Variants in MOV10 observed in about 807,000 individuals in gnomAD.
The protein encoded by MOV10 is Mov10 RNA helicase.
MOV10 carries 39 observed loss-of-function variants against 108.4 expected under a neutral mutation model. The ratio of observed to expected loss-of-function variants is 0.36; its 90% CI spans 0.28 to 0.47. MOV10 has a LOEUF of 0.47. Ranked by LOEUF, MOV10 falls within the 20% of genes least tolerant of loss-of-function variation. The pLI, the probability that MOV10 is intolerant of heterozygous loss-of-function variation, is 1.00. For synonymous variants in MOV10, 490 were observed against 523.1 expected (o/e 0.94, Z 0.86); for missense variants, 952 against 1,297.6 (o/e 0.73, Z 4.09).
intron 17 of MOV10, chr1:112,699,003 T>C (rs758604884): frequency 2.8e-5 from 16 of 573,770 alleles, no homozygotes; most frequent in Non-Finnish European, 5.0e-5. Flanking sequence ...AACAAACACC[T>C]CCTGTCATTC....
chr1:112,681,708 T>C (rs1288019003), intron 2 of MOV10, among the ~76,000 whole-genome samples: 2 of 152,086 alleles, frequency 1.3e-5, no homozygotes, highest in Admixed American at 6.5e-5. Context: ...TTTACACATA[T>C]CTGCCCATAG....
rs375418493 is a variant in MOV10, at chr1:112,694,934, T to A, written c.1620+38T>A. 2 of 1,595,982 alleles carry A rather than the reference T, an allele frequency of 1.3e-6. No individual in the cohort carries two copies. The highest frequency in any genetic ancestry group is 1.7e-6 in the Non-Finnish European group (2 of 1,168,038). On this transcript the variant is annotated intron_variant, in intron 10 of 20. Transcript: ENST00000369645. This position sits in a 1 kb window ranked among gnomAD's most constrained non-coding sequence, Gnocchi z 4.1. ...CACAAACCTGGGGCCTGCACTCTGA[T>A]TCCCCCAGCACCAAGCAGTTGTCCC...
intron 2 of MOV10, chr1:112,688,316 C>T (rs1673256023): frequency 2.0e-6 from 2 of 988,158 alleles, no homozygotes; most frequent in African/African-American, 3.5e-5. Context: ...TCCCTGTCTT[C>T]ACCTTCTCTA....
chr1:112,695,221 A>G (rs183968098), intron 10 of MOV10, among the ~76,000 whole-genome samples, 195 bp from the exon 11 acceptor site: 1 of 152,126 alleles, frequency 6.6e-6, no homozygotes, highest in Non-Finnish European at 1.5e-5. Flanking sequence ...CTCTGTCTCA[A>G]AAAAAAGGGT....
intron 11 of MOV10, 130 bp from the exon 12 acceptor site, chr1:112,696,018 G>A (rs534102151): frequency 2.8e-6 from 2 of 702,504 alleles, no homozygotes; most frequent in Non-Finnish European, 4.9e-6. Context: ...CTCCAGCCTG[G>A]GGGACAGCGA....
chr1:112,691,580 G>A, intron 5 of MOV10, 85 bp from the exon 6 acceptor site: 3 of 1,522,202 alleles, frequency 2.0e-6, no homozygotes, highest in African/African-American at 1.4e-5. Flanking sequence ...ATTGCAGGAG[G>A]GCTTTGTGCA....
chr1:112,690,329 C>T (rs1371190284), intron 5 of MOV10, among the ~76,000 whole-genome samples: 1 of 152,216 alleles, frequency 6.6e-6, no homozygotes. Context: ...CATTATCAGG[C>T]AGATCATTGT....
rs1177989229 is a variant in MOV10, at chr1:112,675,331, G to C, written c.137+282G>C. On this transcript the variant is annotated intron_variant, in intron 2 of 20. Coordinates refer to ENST00000369645, the MANE Select transcript of MOV10 (RefSeq NM_001321324.2). This position sits in a 1 kb window ranked among gnomAD's most constrained non-coding sequence, Gnocchi z 4.7. ...CCCCCGGAGGCCGGAACCCGGGGCC[G>C]GGAGCTGCGTCCCGCGTCCATGCGC... is the stretch of plus-strand genomic sequence containing the variant. Among the ~76,000 whole-genome samples the C allele has an allele frequency of 3.9e-5, 6 of 152,228 alleles. No homozygotes were observed. Among genetic ancestry groups the C allele is most frequent in the African/African-American group, 1.4e-4 (6 of 41,562 alleles).
chr1:112,698,961 G>A (rs1674369057), intron 17 of MOV10, 172 bp downstream of exon 17: 2 of 638,892 alleles, frequency 3.1e-6, no homozygotes, highest in South Asian at 3.8e-5. Flanking sequence ...CAACTTAAGG[G>A]TCTGGGATGG....
chr1:112,700,124 T>G, intron 19 of MOV10, 95 bp from the exon 20 acceptor site: 1 of 1,596,652 alleles, frequency 6.3e-7, no homozygotes. Context: ...ATTTATAAGT[T>G]AAATGACATC....
Position 112,694,312 on chromosome 1 carries a change from A to T in MOV10, c.1295+140A>T. ...TTCCTCAGGGGTACCCTGAGATGCT[A>T]CGGCAGCTTCCTCTTCTAGAGAACT... On this transcript the variant is annotated intron_variant, in intron 8 of 20. Coordinates refer to ENST00000369645, the MANE Select transcript of MOV10 (RefSeq NM_001321324.2). The surrounding 1 kb of genome is among the most constrained non-coding windows in gnomAD (Gnocchi z 4.1). The T allele has an allele frequency of 7.1e-7, 1 of 1,399,240 alleles. No individual in the cohort carries two copies. Among genetic ancestry groups the T allele is most frequent in the Non-Finnish European group, 9.9e-7 (1 of 1,005,964 alleles). 86.7% of individuals were successfully genotyped at this position (1,399,240 alleles called of 1,614,324 possible). A position where few individuals can be genotyped will look rare whatever the true frequency, so the allele number is the denominator to read the frequency against.
chr1:112,680,587 C>T (rs1415384503), intron 2 of MOV10, among the ~76,000 whole-genome samples: 2 of 120,644 alleles, frequency 1.7e-5, no homozygotes, highest in South Asian at 3.0e-4. Context: ...ACCCGGGAGG[C>T]GGAGCTTGCA....
intron 11 of MOV10, among the ~76,000 whole-genome samples, 191 bp downstream of exon 11, chr1:112,695,765 G>A (rs566820485): frequency 4.6e-5 from 7 of 152,106 alleles, no homozygotes; most frequent in Non-Finnish European, 7.4e-5. Context: ...GGGGGGCTGG[G>A]TGCAGTGGCT....
intron 2 of MOV10, among the ~76,000 whole-genome samples, chr1:112,676,563 G>C (rs1416124002): frequency 1.3e-5 from 2 of 152,174 alleles, no homozygotes; most frequent in African/African-American, 4.8e-5. Context: ...AACAGCGGGG[G>C]ATTTATGACC....
At chr1:112,688,179 G>A (rs985426908) in intron 2 of MOV10, 3 of 184,816 alleles carry the variant, frequency 1.6e-5, no homozygotes, top group Non-Finnish European at 3.1e-5. Flanking sequence ...TGAGTTTCTA[G>A]CATCTTTGAA....
intron 19 of MOV10, 103 bp downstream of exon 19, chr1:112,700,085 TG>T: frequency 5.7e-6 from 9 of 1,582,790 alleles, no homozygotes; most frequent in Non-Finnish European, 7.8e-6. Flanking sequence ...AATCCTCAGA[TG>T]TGTCCATTTT....
At position 112,694,937 on chromosome 1, in the gene MOV10, C is replaced by A. The variant is rs766486278; in HGVS notation, c.1620+41C>A. 1 of 1,581,852 alleles carries A rather than the reference C, an allele frequency of 6.3e-7. No homozygotes were observed. The highest frequency in any genetic ancestry group is 2.3e-5 in the East Asian group (1 of 44,296). On this transcript the variant is annotated intron_variant, in intron 10 of 20. Transcript: ENST00000369645. The surrounding 1 kb of genome is among the most constrained non-coding windows in gnomAD (Gnocchi z 4.1). ...AAACCTGGGGCCTGCACTCTGATTC[C>A]CCCAGCACCAAGCAGTTGTCCCCAG...
intron 3 of MOV10, 122 bp from the exon 4 acceptor site, chr1:112,689,293 G>A (rs139640330): frequency 1.6e-6 from 2 of 1,213,076 alleles, no homozygotes; most frequent in Non-Finnish European, 2.3e-6. Flanking sequence ...TGCTGGGAGG[G>A]GGTGAGTTTC....
chr1:112,690,785 T>C (rs780015513), intron 5 of MOV10, among the ~76,000 whole-genome samples: 9 of 152,206 alleles, frequency 5.9e-5, no homozygotes, highest in Non-Finnish European at 8.8e-5. Flanking sequence ...ATCACCACCA[T>C]CGGTTTTAGA....
Sources: allele counts gnomAD v4.1 joint callset (sites outside exome capture counted in the v4.1 genomes callset), GRCh38; gene constraint gnomAD v4.1.1; non-coding constraint Gnocchi (gnomAD v3.1); transcripts MANE v1.5; gene names NCBI Gene and HGNC (gene_info 2026-07-23, HGNC 2026-07-21).